Variants in SH3GL3 observed in about 807,000 individuals in gnomAD.
SH3GL3 encodes SH3 domain containing GRB2 like 3, endophilin A3, also known as endophilin-A3.
SH3GL3 carries 33 observed loss-of-function variants against 47.7 expected under a neutral mutation model. That is an observed-to-expected ratio of 0.69 (90% CI 0.52 to 0.92). The LOEUF (loss-of-function observed/expected upper bound fraction) is 0.92, where lower values mean the gene tolerates loss of function less well. SH3GL3 is among the 40% of genes least tolerant of loss of function. The pLI, the probability that SH3GL3 is intolerant of heterozygous loss-of-function variation, is 0.00. For missense variants in SH3GL3, 363 were observed against 417.8 expected (o/e 0.87, Z 1.14); for synonymous variants, 155 against 148.8 (o/e 1.04, Z -0.30).
At chr15:83,467,972 TGCCCGCCACCAC>T in intron 1 of SH3GL3, among the ~76,000 whole-genome samples, 1 of 152,090 alleles carries the variant, frequency 6.6e-6, no homozygotes, top group East Asian at 1.9e-4. Flanking sequence ...GGACTACAGG[TGCCCGCCACCAC>T]GCCCAGCTAA....
chr15:83,500,347 G>T (rs2042243566), intron 1 of SH3GL3, among the ~76,000 whole-genome samples: 1 of 152,166 alleles, frequency 6.6e-6, no homozygotes, highest in Admixed American at 6.5e-5. Flanking sequence ...AGCTTTGCAG[G>T]CATTTTTAGG....
intron 1 of SH3GL3, among the ~76,000 whole-genome samples, chr15:83,475,788 G>A (rs568068506): frequency 1.3e-5 from 2 of 152,160 alleles, no homozygotes; most frequent in African/African-American, 2.4e-5. Flanking sequence ...GTAGACTCCT[G>A]GTTGCTGAAG....
chr15:83,496,028 C>T (rs2042063111), intron 1 of SH3GL3, among the ~76,000 whole-genome samples: 1 of 151,808 alleles, frequency 6.6e-6, no homozygotes, highest in Non-Finnish European at 1.5e-5. Context: ...TATGGATTTG[C>T]GTCTTCCATT....
chr15:83,508,729 C>T (rs1307636298), intron 1 of SH3GL3, among the ~76,000 whole-genome samples: 23 of 152,126 alleles, frequency 1.5e-4, no homozygotes, highest in Admixed American at 1.5e-3. Context: ...AGGCAGGTGC[C>T]ACCACACCCA....
chr15:83,524,036 T>C (rs1409284276), intron 1 of SH3GL3, among the ~76,000 whole-genome samples: 1 of 152,148 alleles, frequency 6.6e-6, no homozygotes, highest in Non-Finnish European at 1.5e-5. Flanking sequence ...AGATGATTTC[T>C]TCTCCACCTG....
At chr15:83,586,229 G>A (rs1257443729) in intron 6 of SH3GL3, among the ~76,000 whole-genome samples, 1 of 152,152 alleles carries the variant, frequency 6.6e-6, no homozygotes, top group East Asian at 1.9e-4. Context: ...TGGGGGAGCA[G>A]GAAAGCTCTC....
the SH3GL3 span, among the ~76,000 whole-genome samples, chr15:83,625,665 T>C: frequency 6.6e-6 from 1 of 152,368 alleles, no homozygotes; most frequent in African/African-American, 2.4e-5. Context: ...GCTTATCTAC[T>C]GTTATTTTTT....
At chr15:83,553,481 C>T (rs1316148545) in intron 1 of SH3GL3, among the ~76,000 whole-genome samples, 1 of 151,976 alleles carries the variant, frequency 6.6e-6, no homozygotes, top group Non-Finnish European at 1.5e-5. Flanking sequence ...TTCTGTTTGC[C>T]ATTCCTTCTT....
At chr15:83,623,944 C>A in the SH3GL3 span, among the ~76,000 whole-genome samples, 6 of 152,110 alleles carry the variant, frequency 3.9e-5, no homozygotes, top group Admixed American at 2.0e-4. Context: ...CACCACCACA[C>A]CCAGCTAATT....
intron 6 of SH3GL3, among the ~76,000 whole-genome samples, chr15:83,586,056 T>C (rs1296245218): frequency 6.6e-6 from 1 of 152,186 alleles, no homozygotes. Context: ...TGGGGAAGCC[T>C]GGGAAGTGTA....
chr15:83,631,585 G>A, the SH3GL3 span, among the ~76,000 whole-genome samples: 1 of 152,226 alleles, frequency 6.6e-6, no homozygotes, highest in South Asian at 2.1e-4. Context: ...GCCACCAAGG[G>A]TTGGGGCTTG....
At chr15:83,507,309 G>C (rs1306645084) in intron 1 of SH3GL3, among the ~76,000 whole-genome samples, 1 of 151,300 alleles carries the variant, frequency 6.6e-6, no homozygotes, top group African/African-American at 2.4e-5. Context: ...TGCCCGGCCT[G>C]TGTACACTTC....
chr15:83,491,509 G>C (rs960577334), intron 1 of SH3GL3, among the ~76,000 whole-genome samples: 3 of 152,222 alleles, frequency 2.0e-5, no homozygotes, highest in Non-Finnish European at 4.4e-5. Context: ...ACACCTCTCT[G>C]CTTTGGAATT....
downstream of SH3GL3, among the ~76,000 whole-genome samples, chr15:83,620,881 TGTTTA>T (rs1031503881): frequency 7.9e-5 from 12 of 152,364 alleles, no homozygotes; most frequent in East Asian, 5.8e-4. Flanking sequence ...GAAAATCTGT[TGTTTA>T]GTTTAGCCAG....
chr15:83,581,999 T>G lies in SH3GL3; in HGVS notation c.625-4984T>G, dbSNP rs558983410. Among the ~76,000 whole-genome samples the G allele has an allele frequency of 1.9e-3, 282 of 152,332 alleles. 2 individuals are homozygous for G. The highest frequency in any genetic ancestry group is 1.2e-3 in the East Asian group (6 of 5,174). ...ATGACTGATTTCTCACCAGGCCAAG[T>G]TGGGCTTGGCAGGGTCCTGAGAAGT... On this transcript the variant is annotated intron_variant, in intron 6 of 8. Transcript: ENST00000427482.
chr15:83,471,244 G>T (rs950512121), intron 1 of SH3GL3, among the ~76,000 whole-genome samples: 1 of 152,040 alleles, frequency 6.6e-6, no homozygotes, highest in African/African-American at 2.4e-5. Flanking sequence ...CATTTCTGAG[G>T]ATATTTACTT....
rs989228925 is a variant in SH3GL3, at chr15:83,447,666, C to T, written c.45+88C>T. 37 of 931,298 alleles carry T rather than the reference C, an allele frequency of 4.0e-5. No individual in the cohort carries two copies. The highest frequency in any genetic ancestry group is 5.0e-5 in the Non-Finnish European group (33 of 656,488). The allele number at this position is 931,298 out of a possible 1,614,324, so 57.7% of individuals were successfully genotyped here. A position where few individuals can be genotyped will look rare whatever the true frequency, so the allele number is the denominator to read the frequency against. On this transcript the variant is annotated intron_variant, in intron 1 of 8. Transcript: ENST00000427482. The surrounding 1 kb of genome is among the most constrained non-coding windows in gnomAD (Gnocchi z 5.1). ...CCCGGGCCTTTGGGACTCCTGTTCC[C>T]TGAAGGGCCTCTCTCGGGGCTCAAT...
chr15:83,513,952 A>T (rs544420115), intron 1 of SH3GL3, among the ~76,000 whole-genome samples: 1 of 152,314 alleles, frequency 6.6e-6, no homozygotes, highest in South Asian at 2.1e-4. Context: ...AGGTTAGGAC[A>T]TAGAAAAGAC....
chr15:83,551,623 GTTC>G (rs1260478876), intron 1 of SH3GL3, among the ~76,000 whole-genome samples: 9 of 152,134 alleles, frequency 5.9e-5, no homozygotes, highest in African/African-American at 2.2e-4. Flanking sequence ...ACTCAGATCT[GTTC>G]TTATCACTCA....
Sources: gnomAD v4.1 joint callset for allele counts (sites outside exome capture counted in the v4.1 genomes callset) on GRCh38, gnomAD v4.1.1 for gene constraint, Gnocchi (gnomAD v3.1) non-coding constraint, MANE v1.5 for transcripts, NCBI Gene and HGNC (gene_info 2026-07-23, HGNC 2026-07-21) for gene names.